DIS3L: variants seen among roughly 807,000 people sequenced by gnomAD.
The protein encoded by DIS3L is DIS3-like exonuclease 1.
DIS3L carries 100 observed loss-of-function variants against 120.3 expected under a neutral mutation model. The observed-to-expected ratio is 0.83, with a 90% CI of 0.71 to 0.98. The LOEUF (loss-of-function observed/expected upper bound fraction) is 0.98, where lower values mean the gene tolerates loss of function less well. DIS3L is among the 50% of genes least tolerant of loss of function. The pLI is 0.00. For missense variants in DIS3L, 1,196 were observed against 1,314.2 expected, an observed-to-expected ratio of 0.91 and a Z score of 1.39; for synonymous variants, 426 against 470.6, an observed-to-expected ratio of 0.91 and a Z score of 1.23.
chr15:66,330,719 A>T (rs543677508), intron 14 of DIS3L, among the ~76,000 whole-genome samples: 149 of 152,336 alleles, frequency 9.8e-4, no homozygotes, highest in Middle Eastern at 3.4e-3. Context: ...CTATCATTGC[A>T]GAAAGTTCTG....
chr15:66,298,127 C>T (rs937291196), intron 2 of DIS3L, among the ~76,000 whole-genome samples: 15 of 134,042 alleles, frequency 1.1e-4, no homozygotes, highest in African/African-American at 4.3e-4. Context: ...TGTGGTGAGC[C>T]GAGATCATGC....
Position 66,320,553 on chromosome 15 carries a change from T to G in DIS3L, c.1165-18T>G, listed in dbSNP as rs746801572. ...ACTCCTGGTGCTCAGCTGTGTTTTA[T>G]TTTTTCCTTTTGTGCAGGACTTCAG... On this transcript the variant is annotated intron_variant, in intron 8 of 16. Coordinates refer to ENST00000319212, the MANE Select transcript of DIS3L (RefSeq NM_001143688.3). The G allele has an allele frequency of 1.2e-5, 20 of 1,604,540 alleles. No homozygotes were observed. Among genetic ancestry groups the G allele is most frequent in the Non-Finnish European group, 1.4e-5 (17 of 1,175,960 alleles).
Position 66,326,328 on chromosome 15 carries a change from A to C in DIS3L, c.2165A>C (p.Glu722Ala), listed in dbSNP as rs374290496. 25 of 1,614,182 alleles carry C rather than the reference A, an allele frequency of 1.5e-5. No homozygotes were observed. Among genetic ancestry groups the C allele is most frequent in the Admixed American group, 5.0e-5 (3 of 60,018 alleles). ...PHQEFFSELR[E>A]CAKAKGFFID... ...CAGGAGTTCTTTTCAGAACTCCGGG[A>C]ATGTGCTAAAGCCAAAGGCTTCTTC... Residue 722 changes from glutamate to alanine, a missense_variant, in exon 12 of 17, where the codon GAA becomes GCA. Transcript: ENST00000319212.
intron 14 of DIS3L, chr15:66,330,269 C>T: frequency 4.1e-6 from 4 of 983,856 alleles, no homozygotes; most frequent in Non-Finnish European, 4.8e-6. Flanking sequence ...TGCACTCTGG[C>T]CTGGGTGACA....
chr15:66,297,861 T>C (rs1349813029), intron 2 of DIS3L, among the ~76,000 whole-genome samples: 1 of 152,076 alleles, frequency 6.6e-6, no homozygotes, highest in Non-Finnish European at 1.5e-5. Context: ...CCATATTTCA[T>C]GCCTCAGTTT....
At chr15:66,296,201 C>T (rs919092147) in intron 2 of DIS3L, among the ~76,000 whole-genome samples, 8 of 152,134 alleles carry the variant, frequency 5.3e-5, no homozygotes, top group African/African-American at 1.9e-4. Context: ...TAACACACTG[C>T]GAGCCTTTTC....
At chr15:66,322,593 G>A in intron 9 of DIS3L, 94 bp from the exon 10 acceptor site, 1 of 1,535,814 alleles carries the variant, frequency 6.5e-7, no homozygotes, top group Middle Eastern at 1.8e-4. Flanking sequence ...GAGAATGAAT[G>A]AATTTCTATG....
intron 12 of DIS3L, among the ~76,000 whole-genome samples, chr15:66,327,206 G>T (rs1207284649): frequency 6.6e-6 from 1 of 152,108 alleles, no homozygotes; most frequent in Admixed American, 6.5e-5. Context: ...GGGATTATAG[G>T]CATGAGCCAC....
At chr15:66,304,102 A>AAAAAAAAAAAC (rs1206272053) in intron 2 of DIS3L, among the ~76,000 whole-genome samples, 1 of 148,736 alleles carries the variant, frequency 6.7e-6, no homozygotes, top group Non-Finnish European at 1.5e-5. Flanking sequence ...AAAAAAAAAA[A>AAAAAAAAAAAC]AAAAAAAAAA....
intron 1 of DIS3L, 129 bp downstream of exon 1, chr15:66,293,864 C>T: frequency 2.2e-6 from 2 of 899,480 alleles, no homozygotes; most frequent in Non-Finnish European, 2.5e-6. Flanking sequence ...GGCCTGCGCC[C>T]GCTCGCCGGC....
chr15:66,314,176 T>C (rs990645965), intron 6 of DIS3L, 59 bp downstream of exon 6: 1 of 1,320,444 alleles, frequency 7.6e-7, no homozygotes. Flanking sequence ...CGTTATACAA[T>C]GAAGAAAGCA....
Position 66,329,126 on chromosome 15 carries a change from T to C in DIS3L, c.2356+2T>C. On this transcript the variant is annotated splice_donor_variant, in intron 13 of 16. Transcript: ENST00000319212. LOFTEE classifies it high-confidence loss of function. ...CGGAGGAGGAGTTCCATCATTACGG[T>C]GAATCATACCATATTCCTATGTGTG... 1 of 1,609,490 alleles carries C rather than the reference T, an allele frequency of 6.2e-7. No individual in the cohort carries two copies. Among genetic ancestry groups the C allele is most frequent in the Non-Finnish European group, 8.5e-7 (1 of 1,178,218 alleles).
chr15:66,313,910 A>G, intron 5 of DIS3L, 129 bp from the exon 6 acceptor site: 1 of 614,944 alleles, frequency 1.6e-6, no homozygotes. Flanking sequence ...TATAGTTCCT[A>G]AAGGGATCAC....
At chr15:66,316,887 G>C (rs567481518) in intron 7 of DIS3L, among the ~76,000 whole-genome samples, 1 of 152,160 alleles carries the variant, frequency 6.6e-6, no homozygotes, top group Non-Finnish European at 1.5e-5. Context: ...CTCAATGGCT[G>C]GTTCCTGTTT....
chr15:66,322,644 ATTTGTG>A, intron 9 of DIS3L, 37 bp from the exon 10 acceptor site: 1 of 1,604,390 alleles, frequency 6.2e-7, no homozygotes, highest in South Asian at 1.1e-5. Context: ...TTTTACAGAA[ATTTGTG>A]GTGCATGAAT....
Position 66,323,499 on chromosome 15 carries a change from C to G in DIS3L, c.1581C>G (p.Thr527=). ...GCGTGTGTGTCATTCACAGGGCCAC[C>G]ACTTATTATCTAGCAGATCGTCGCT... is the stretch of plus-strand genomic sequence containing the variant. ...YIDIEARTRA[T]TYYLADRRYD... The change falls in exon 11 of 17, where the codon ACC becomes ACG. Residue 527 remains threonine, a synonymous_variant. Coordinates refer to ENST00000319212, the MANE Select transcript of DIS3L (RefSeq NM_001143688.3). 1 of 1,614,246 alleles carries G rather than the reference C, an allele frequency of 6.2e-7. No individual in the cohort carries two copies. Among genetic ancestry groups the G allele is most frequent in the African/African-American group, 1.3e-5 (1 of 75,080 alleles).
intron 2 of DIS3L, among the ~76,000 whole-genome samples, chr15:66,303,601 A>G (rs2092670040): frequency 6.6e-6 from 1 of 152,224 alleles, no homozygotes; most frequent in Non-Finnish European, 1.5e-5. Flanking sequence ...TGGTAGGTAA[A>G]GGGAATAAAA....
intron 15 of DIS3L, among the ~76,000 whole-genome samples, chr15:66,332,525 C>A: frequency 8.8e-6 from 1 of 114,066 alleles, no homozygotes. Flanking sequence ...TATATATATA[C>A]ACACACACTT....
At chr15:66,326,722 G>A (rs1438225928) in intron 12 of DIS3L, among the ~76,000 whole-genome samples, 3 of 151,564 alleles carry the variant, frequency 2.0e-5, no homozygotes, top group Admixed American at 6.6e-5. Flanking sequence ...TGGGACTACA[G>A]GCACACGCCA....
Sources: allele counts gnomAD v4.1 joint callset (sites outside exome capture counted in the v4.1 genomes callset), GRCh38; gene constraint gnomAD v4.1.1; transcripts MANE v1.5; gene names NCBI Gene and HGNC (gene_info 2026-07-23, HGNC 2026-07-21).